SOX6: variants seen among roughly 807,000 people sequenced by gnomAD.
The protein encoded by SOX6 is transcription factor SOX-6.
In SOX6, 11 loss-of-function variants were observed where a neutral mutation model predicts 97.8. The ratio of observed to expected loss-of-function variants is 0.11; its 90% confidence interval spans 0.07 to 0.19. The LOEUF (loss-of-function observed/expected upper bound fraction) is 0.19, where lower values mean the gene tolerates loss of function less well. SOX6 is among the 10% of genes least tolerant of loss of function. SOX6 has a pLI of 1.00. For synonymous variants in SOX6, 360 were observed against 371.4 expected (o/e 0.97, Z 0.35); for missense variants, 810 against 1,039.5 (o/e 0.78, Z 3.04).
At chr11:16,643,627 C>G (rs1005615411) in intron 3 of SOX6, among the ~76,000 whole-genome samples, 1 of 152,214 alleles carries the variant, frequency 6.6e-6, no homozygotes, top group Non-Finnish European at 1.5e-5. Flanking sequence ...GCACCCCTCC[C>G]CCAGCCTCGC....
chr11:16,129,298 CT>C (rs1339821894), intron 6 of SOX6, among the ~76,000 whole-genome samples: 1 of 152,184 alleles, frequency 6.6e-6, no homozygotes, highest in Non-Finnish European at 1.5e-5. Context: ...AATCTCACTT[CT>C]GGCAAAATTG....
rs137967858 is a variant in SOX6, at chr11:16,628,098, G to A, written n.430-15838C>T. On this transcript the variant is annotated intron_variant and non_coding_transcript_variant, in intron 3 of 5. Transcript: ENST00000524520. ...TTGTCAATTTTGTCAAAGATCAGAT[G>A]GTTGTAGGTATGTGGCTTTATTTCT... Among the ~76,000 whole-genome samples the A allele has an allele frequency of 5.3e-5, 8 of 152,232 alleles. No individual in the cohort carries two copies. In the East Asian group the frequency reaches 1.5e-3, roughly 29 times the overall value.
chr11:16,652,713 C>A (rs1847670868), intron 3 of SOX6, among the ~76,000 whole-genome samples: 1 of 152,016 alleles, frequency 6.6e-6, no homozygotes, highest in Non-Finnish European at 1.5e-5. Flanking sequence ...GCAAAGAGTT[C>A]ATGACCAAGA....
chr11:15,998,116 T>A (rs985336454), intron 13 of SOX6, among the ~76,000 whole-genome samples: 2 of 150,590 alleles, frequency 1.3e-5, no homozygotes, highest in South Asian at 4.2e-4. Context: ...TAAAATAAAA[T>A]AAAAAATAAA....
chr11:16,368,541 A>G (rs1379637884), intron 1 of SOX6, among the ~76,000 whole-genome samples: 3 of 152,180 alleles, frequency 2.0e-5, no homozygotes, highest in African/African-American at 4.8e-5. Context: ...GGTGCTTGGA[A>G]AACTGTATAT....
chr11:16,731,458 T>C (rs570756691), intron 2 of SOX6, among the ~76,000 whole-genome samples: 1,744 of 152,282 alleles, frequency 0.011, 25 homozygotes, highest in African/African-American at 0.04. Context: ...AATCAATAAA[T>C]GTAATCCATC....
intron 1 of SOX6, among the ~76,000 whole-genome samples, chr11:16,460,781 G>C (rs1013342393): frequency 6.6e-6 from 1 of 152,058 alleles, no homozygotes; most frequent in African/African-American, 2.4e-5. Context: ...CTTCACAGAT[G>C]CCATGTACTA....
chr11:16,409,878 G>C (rs1185809141), intron 1 of SOX6, among the ~76,000 whole-genome samples: 2 of 150,788 alleles, frequency 1.3e-5, no homozygotes, highest in African/African-American at 4.9e-5. Context: ...TCAAGGCCAA[G>C]AGGAAGACTA....
intron 6 of SOX6, among the ~76,000 whole-genome samples, chr11:16,172,219 C>T (rs1427637764): frequency 6.6e-6 from 1 of 151,980 alleles, no homozygotes; most frequent in Admixed American, 6.6e-5. Flanking sequence ...TGACATAATA[C>T]TTCAAAAGGA....
intron 1 of SOX6, among the ~76,000 whole-genome samples, chr11:16,429,024 A>T (rs1054431355): frequency 2.6e-5 from 4 of 152,088 alleles, no homozygotes; most frequent in Admixed American, 6.6e-5. Context: ...CTCCTTGAAC[A>T]GGCACTTTTC....
At chr11:16,097,994 T>C (rs1257922481) in intron 7 of SOX6, among the ~76,000 whole-genome samples, 1 of 151,830 alleles carries the variant, frequency 6.6e-6, no homozygotes, top group Non-Finnish European at 1.5e-5. Flanking sequence ...TAAAAAAATA[T>C]CTTTAAGCCA....
chr11:16,626,451 C>T (rs1848625473), intron 3 of SOX6, among the ~76,000 whole-genome samples: 1 of 152,330 alleles, frequency 6.6e-6, no homozygotes, highest in African/African-American at 2.4e-5. Flanking sequence ...ATTACCATAA[C>T]ATTACACTAA....
chr11:16,587,951 C>T (rs1848113209), intron 4 of SOX6, among the ~76,000 whole-genome samples: 1 of 152,222 alleles, frequency 6.6e-6, no homozygotes, highest in African/African-American at 2.4e-5. Flanking sequence ...CACAACCCTC[C>T]AGATGCTAAC....
Position 16,582,327 on chromosome 11 carries a change from T to G in SOX6, n.609+29754A>C, listed in dbSNP as rs77984241. The stretch of plus-strand genomic sequence containing the variant: ...TGAATTTATTTTTAAAAAGTACTTT[T>G]TTTGTTGGATGAGTGATACATTAGA... On this transcript the variant is annotated intron_variant and non_coding_transcript_variant, in intron 4 of 5. Transcript: ENST00000524520. Among the ~76,000 whole-genome samples, 176 of 152,280 alleles carry G rather than the reference T, an allele frequency of 1.2e-3. 1 individual carries two copies. In the East Asian group the frequency reaches 0.028, roughly 24 times the overall value.
chr11:16,364,801 T>G (rs559331487), intron 1 of SOX6, among the ~76,000 whole-genome samples: 1 of 152,106 alleles, frequency 6.6e-6, no homozygotes, highest in Non-Finnish European at 1.5e-5. Flanking sequence ...CAGTGTGACA[T>G]AGCAGGAATA....
chr11:16,575,279 T>A (rs529168059), intron 4 of SOX6, among the ~76,000 whole-genome samples: 2 of 152,188 alleles, frequency 1.3e-5, no homozygotes, highest in Non-Finnish European at 2.9e-5. Flanking sequence ...ATAACAAGAA[T>A]GTTAATAGGC....
At position 16,187,731 on chromosome 11, in the gene SOX6, T is replaced by C. The variant is rs543884440; in HGVS notation, c.536-776A>G. Reference sequence around the variant, plus strand: ...AATGAATATGATGTCGCTGAACACTTATGGTATGCACTAATGGTGCTGAAC... The same window carrying C: ...AATGAATATGATGTCGCTGAACACTCATGGTATGCACTAATGGTGCTGAAC... On this transcript the variant is annotated intron_variant, in intron 4 of 15. Transcript: ENST00000683767. 7.2e-5 allele frequency among the ~76,000 whole-genome samples: 11 copies of C among 152,280 alleles called. No homozygotes were observed. The East Asian group carries it at 1.7e-3, about 24-fold the overall frequency.
chr11:16,273,935 G>A (rs1004760971), intron 3 of SOX6, among the ~76,000 whole-genome samples: 1 of 151,958 alleles, frequency 6.6e-6, no homozygotes, highest in African/African-American at 2.4e-5. Context: ...GAACAACTAT[G>A]GGAATTATAA....
intron 4 of SOX6, among the ~76,000 whole-genome samples, chr11:16,590,688 C>T (rs1848139768): frequency 6.6e-6 from 1 of 151,918 alleles, no homozygotes; most frequent in Admixed American, 6.5e-5. Context: ...GTGAAATAAG[C>T]CAGTCACAGA....
Sources: allele counts gnomAD v4.1 joint callset (sites outside exome capture counted in the v4.1 genomes callset), GRCh38; gene constraint gnomAD v4.1.1; transcripts MANE v1.5; gene names NCBI Gene and HGNC (gene_info 2026-07-23, HGNC 2026-07-21).